ABCB8: variants seen among roughly 807,000 people sequenced by gnomAD.
ABCB8 encodes mitochondrial potassium channel ATP-binding subunit.
ABCB8 carries 52 observed loss-of-function variants against 73.0 expected under a neutral mutation model. That is an observed-to-expected ratio of 0.71 (90% CI 0.57 to 0.90). The LOEUF is 0.90. ABCB8 is among the 40% of genes least tolerant of loss of function. The probability of loss-of-function intolerance (pLI) is 0.00; values close to 1 mark genes in which losing one functional copy is unlikely to be tolerated. For synonymous variants in ABCB8, 428 were observed against 423.5 expected, an observed-to-expected ratio of 1.01 and a Z score of -0.13; for missense variants, 909 against 974.6, an observed-to-expected ratio of 0.93 and a Z score of 0.90.
At position 151,037,255 on chromosome 7, in the gene ABCB8, C is replaced by T. The variant is rs1173356480; in HGVS notation, c.1217+606C>T. ...TGTGTCCTCAGCTTCCTCCGTGTTG[C>T]ACCCTGTCCGAATTCCCTTCCGCTG... On this transcript the variant is annotated intron_variant, in intron 9 of 15. Transcript: ENST00000358849. 3.3e-5 allele frequency: 23 copies of T among 702,942 alleles called. No individual in the cohort carries two copies. The East Asian group carries it at 5.6e-4, about 17-fold the overall frequency. The allele number at this position is 702,942 out of a possible 1,614,324, so 43.5% of individuals were successfully genotyped here. A position where few individuals can be genotyped will look rare whatever the true frequency, so the allele number is the denominator to read the frequency against.
Position 151,045,627 on chromosome 7 carries a change from C to T in ABCB8, c.*278C>T, listed in dbSNP as rs1484896312. 5.3e-6 allele frequency: 2 copies of T among 378,804 alleles called. No homozygotes were observed. Among genetic ancestry groups the T allele is most frequent in the Non-Finnish European group, 9.4e-6 (2 of 213,688 alleles). The allele number at this position is 378,804 out of a possible 1,614,324, so 23.5% of individuals were successfully genotyped here. On this transcript the variant is annotated 3_prime_UTR_variant, in exon 16 of 16. Transcript: ENST00000358849. ...GACAGAGTTCCACGAGACACCTCCA[C>T]TCTATTCTCCCTTTGCCCAGACCCC...
At position 151,036,582 on chromosome 7, in the gene ABCB8, G is replaced by A; in HGVS notation, c.1150G>A (p.Val384Met). 1.2e-6 allele frequency: 2 copies of A among 1,614,038 alleles called. No individual in the cohort carries two copies. The highest frequency in any genetic ancestry group is 8.5e-7 in the Non-Finnish European group (1 of 1,179,942). Residue 384 changes from valine (V) to methionine (M), a missense_variant, in exon 9 of 16, where the codon GTG becomes ATG. Coordinates refer to ENST00000358849, the MANE Select transcript of ABCB8 (RefSeq NM_007188.5). ...LGTLFIGGSL[V>M]AGQQLTGGDL... ...TACCCTATTTATTGGGGGCTCCCTT[G>A]TGGCCGGACAGCAGCTGACAGGGGG...
intron 9 of ABCB8, chr7:151,036,997 A>T (rs1295743589): frequency 2.9e-6 from 2 of 688,326 alleles, no homozygotes; most frequent in African/African-American, 3.5e-5. Context: ...TGTGCAGCTC[A>T]TGGGCAGTGG....
intron 14 of ABCB8, 83 bp from the exon 15 acceptor site, chr7:151,043,888 C>A: frequency 6.4e-7 from 1 of 1,563,152 alleles, no homozygotes; most frequent in Non-Finnish European, 8.7e-7. Flanking sequence ...TCTTGATGGG[C>A]GTTCAGGAAG....
chr7:151,036,831 C>G (rs1003926838), intron 9 of ABCB8, 182 bp downstream of exon 9: 1 of 760,222 alleles, frequency 1.3e-6, no homozygotes, highest in African/African-American at 1.7e-5. Context: ...CATAACAACC[C>G]TCCTGGCTGG....
rs761780392 is a variant in ABCB8 at position 151,040,240 on chromosome 7, TTCCACCCCTCTC to T, written c.1218-24_1218-13del. ...CTCTGGCTCTTCTTGTTCCCATCTA[TTCCACCCCTCTC>T]TCCTTTTTCTGACAGGTCCATGGCC... On this transcript the variant is annotated splice_polypyrimidine_tract_variant and intron_variant, in intron 9 of 15. Transcript: ENST00000358849. The T allele has an allele frequency of 3.6e-5, 58 of 1,609,944 alleles. No individual in the cohort carries two copies. The East Asian group carries it at 6.3e-4, about 17-fold the overall frequency.
rs757737167 is a variant in ABCB8, at chr7:151,045,232, G to A, written c.2040G>A (p.Leu680=). The A allele has an allele frequency of 1.3e-6, 2 of 1,592,994 alleles. No individual in the cohort carries two copies. Among genetic ancestry groups the A allele is most frequent in the South Asian group, 2.3e-5 (2 of 88,758 alleles). ...AGGCTGGGACACATGAAGAGCTCCTGAAGAAAGGCGGGCTATACGCCGAGC... is the reference window on the plus strand; with the variant it reads ...AGGCTGGGACACATGAAGAGCTCCTAAAGAAAGGCGGGCTATACGCCGAGC... ...VWEAGTHEEL[L]KKGGLYAELI... Residue 680 remains leucine (L), a synonymous_variant, in exon 16 of 16, where the codon CTG becomes CTA. Coordinates refer to ENST00000358849, the MANE Select transcript of ABCB8 (RefSeq NM_007188.5).
intron 13 of ABCB8, among the ~76,000 whole-genome samples, chr7:151,041,758 C>T (rs2117235968): frequency 6.6e-6 from 1 of 152,340 alleles, no homozygotes; most frequent in East Asian, 1.9e-4. Context: ...ATTCTGGGCC[C>T]TTGGTAGGAA....
intron 14 of ABCB8, among the ~76,000 whole-genome samples, chr7:151,043,590 G>A (rs981867758): frequency 2.0e-5 from 3 of 148,132 alleles, no homozygotes; most frequent in Non-Finnish European, 4.5e-5. Flanking sequence ...ACAGTGTGGG[G>A]TGGAGGGTCA....
In ABCB8 at chr7:151,042,048, C is replaced by G; in HGVS notation, c.1705C>G (p.Arg569Gly). Residue 569 changes from arginine to glycine, a missense_variant, in exon 14 of 16, where the codon CGG becomes GGG. Coordinates refer to ENST00000358849, the MANE Select transcript of ABCB8 (RefSeq NM_007188.5). ...ASDEEVYTAA[R>G]EANAHEFITS... is the part of the protein sequence containing the mutation. ...CGATGAAGAGGTGTACACAGCCGCC[C>G]GGGAAGCGAATGCTCACGAGTTCAT... The G allele has an allele frequency of 6.2e-7, 1 of 1,613,154 alleles. No homozygotes were observed. Among genetic ancestry groups the G allele is most frequent in the Admixed American group, 1.7e-5 (1 of 60,026 alleles).
chr7:151,030,504 C>G (rs1006774761), intron 1 of ABCB8, among the ~76,000 whole-genome samples: 55 of 91,020 alleles, frequency 6.0e-4, no homozygotes, highest in Non-Finnish European at 1.0e-3. Flanking sequence ...GAGCAAGACT[C>G]CGTCTCAAAT....
chr7:151,035,372 G>A (rs993494865), intron 5 of ABCB8, among the ~76,000 whole-genome samples: 2 of 152,172 alleles, frequency 1.3e-5, no homozygotes, highest in African/African-American at 4.8e-5. Context: ...TAGCATTCTC[G>A]CTCGGCCCCC....
intron 9 of ABCB8, chr7:151,037,649 C>T (rs755324370): frequency 2.7e-6 from 1 of 366,140 alleles, no homozygotes; most frequent in Non-Finnish European, 5.2e-6. Context: ...CATCCCTCCC[C>T]CCACGACCCC....
Position 151,043,973 on chromosome 7 carries a change from G to T in ABCB8, c.1768G>T (p.Glu590Ter). 6.2e-7 allele frequency: 1 copy of T among 1,609,230 alleles called. No homozygotes were observed. Among genetic ancestry groups the T allele is most frequent in the South Asian group, 1.1e-5 (1 of 90,968 alleles). ...FPEGYNTVVG[E>*]RGTTLSGGQK... The stretch of plus-strand genomic sequence containing the variant: ...CTGCCCTGCCCCTCCCTTCCCAGGT[G>T]AACGGGGCACTACCCTGTCTGGGGG... Residue 590 changes from glutamate to a stop codon, truncating the protein, a stop_gained and splice_region_variant, in exon 15 of 16, where the codon GAA (glutamate) becomes TAA (stop). Coordinates refer to ENST00000358849, the MANE Select transcript of ABCB8 (RefSeq NM_007188.5). LOFTEE classifies it high-confidence loss of function.
intron 9 of ABCB8, 165 bp from the exon 10 acceptor site, chr7:151,040,103 T>C (rs572071298): frequency 4.3e-6 from 3 of 705,590 alleles, no homozygotes; most frequent in Non-Finnish European, 6.9e-6. Context: ...AGCGATCTGG[T>C]GTTGCTACGT....
At chr7:151,037,034 T>C (rs1248571433) in intron 9 of ABCB8, 1 of 686,640 alleles carries the variant, frequency 1.5e-6, no homozygotes, top group Non-Finnish European at 2.7e-6. Flanking sequence ...GTGCGGCTGT[T>C]GTCACCGTCC....
rs538077830 is a variant in ABCB8 at position 151,044,024 on chromosome 7, C to T, written c.1819C>T (p.Arg607Ter). 1.1e-5 allele frequency: 17 copies of T among 1,613,108 alleles called. No individual in the cohort carries two copies. Among genetic ancestry groups the T allele is most frequent in the Admixed American group, 8.3e-5 (5 of 59,980 alleles). ...CCAGAAGCAGCGCCTGGCCATCGCCCGAGCCCTTATCAAGCAGCCCACGGT... is the reference window on the plus strand; with the variant it reads ...CCAGAAGCAGCGCCTGGCCATCGCCTGAGCCCTTATCAAGCAGCCCACGGT... ...GGQKQRLAIA[R>*]ALIKQPTVLI... The change falls in exon 15 of 16, where the codon CGA (arginine) becomes TGA (stop). Residue 607 changes from arginine (R) to a stop codon, truncating the protein, a stop_gained. Coordinates refer to ENST00000358849, the MANE Select transcript of ABCB8 (RefSeq NM_007188.5). LOFTEE classifies it high-confidence loss of function.
At chr7:151,036,199 G>T (rs2117218819) in intron 8 of ABCB8, 29 bp downstream of exon 8, 1 of 1,573,984 alleles carries the variant, frequency 6.4e-7, no homozygotes. Flanking sequence ...GGCTGGAGGG[G>T]CGCTTGTGGG....
Position 151,045,324 on chromosome 7 carries a change from C to G in ABCB8, c.2132C>G (p.Pro711Arg). ...CCACCGCCCAAAAAGCCAGAAGGCCCCAGGAGCCACCAGCACAAGTCCTGA... is the reference window on the plus strand; with the variant it reads ...CCACCGCCCAAAAAGCCAGAAGGCCGCAGGAGCCACCAGCACAAGTCCTGA... ...AAPPPKKPEG[P>R]RSHQHKS The change falls in exon 16 of 16, where the codon CCC becomes CGC. Residue 711 changes from proline to arginine, a missense_variant. Pro to Arg is a moderately radical substitution (Grantham distance 103). Coordinates refer to ENST00000358849, the MANE Select transcript of ABCB8 (RefSeq NM_007188.5). 6.3e-7 allele frequency: 1 copy of G among 1,588,248 alleles called. No individual in the cohort carries two copies. The highest frequency in any genetic ancestry group is 8.6e-7 in the Non-Finnish European group (1 of 1,167,290).
Sources: allele counts gnomAD v4.1 joint callset (sites outside exome capture counted in the v4.1 genomes callset), GRCh38; gene constraint gnomAD v4.1.1; transcripts MANE v1.5; gene names NCBI Gene and HGNC (gene_info 2026-07-23, HGNC 2026-07-21).